Variants in CNTN6 observed in about 807,000 individuals in gnomAD.
The protein encoded by CNTN6 is contactin-6.
Under a neutral mutation model 122.8 loss-of-function variants are expected in CNTN6, and 137 were observed. The ratio of observed to expected loss-of-function variants is 1.12; its 90% CI spans 0.97 to 1.29. The LOEUF (loss-of-function observed/expected upper bound fraction) is 1.29, where lower values mean the gene tolerates loss of function less well. Ranked by LOEUF, CNTN6 falls within the 50% of genes most tolerant of loss-of-function variation. The pLI, the probability that CNTN6 is intolerant of heterozygous loss-of-function variation, is 0.00. For missense variants in CNTN6, 1,634 were observed against 1,223.4 expected (o/e 1.34, Z -5.01); for synonymous variants, 570 against 426.0 (o/e 1.34, Z -4.16).
chr3:1,213,561 C>G (rs1374254419), intron 2 of CNTN6, among the ~76,000 whole-genome samples: 3 of 151,654 alleles, frequency 2.0e-5, no homozygotes, highest in Non-Finnish European at 4.4e-5. Context: ...AAACCTATCT[C>G]CAATAAAACT....
At chr3:1,263,686 A>C (rs906642674) in intron 4 of CNTN6, among the ~76,000 whole-genome samples, 1 of 152,104 alleles carries the variant, frequency 6.6e-6, no homozygotes, top group Non-Finnish European at 1.5e-5. Context: ...TTAATTTATT[A>C]AACATGTTCT....
intron 1 of CNTN6, among the ~76,000 whole-genome samples, chr3:1,103,165 C>T (rs911060117): frequency 2.0e-5 from 3 of 152,022 alleles, no homozygotes; most frequent in Non-Finnish European, 2.9e-5. Context: ...GAAAAAGTTT[C>T]TGTTATTCTA....
At chr3:1,263,870 A>G (rs1416092132) in intron 4 of CNTN6, among the ~76,000 whole-genome samples, 1 of 151,794 alleles carries the variant, frequency 6.6e-6, no homozygotes, top group Non-Finnish European at 1.5e-5. Flanking sequence ...GCTACGTTAG[A>G]TTGGTTAGCC....
intron 7 of CNTN6, among the ~76,000 whole-genome samples, chr3:1,299,631 CT>C (rs935687108): frequency 7.2e-5 from 11 of 152,128 alleles, no homozygotes; most frequent in African/African-American, 2.7e-4. Flanking sequence ...GAGAAGTAAC[CT>C]GTTCAATCTT....
intron 1 of CNTN6, among the ~76,000 whole-genome samples, chr3:1,102,506 G>T (rs966989989): frequency 1.3e-5 from 2 of 151,944 alleles, no homozygotes; most frequent in African/African-American, 4.8e-5. Context: ...CGAGGTGGGC[G>T]GATCACCAGG....
intron 11 of CNTN6, among the ~76,000 whole-genome samples, chr3:1,342,290 C>G (rs746427117): frequency 6.6e-6 from 1 of 151,936 alleles, no homozygotes; most frequent in African/African-American, 2.4e-5. Flanking sequence ...CCACCACACC[C>G]GGCTAATTTT....
Position 1,327,499 on chromosome 3 carries a change from C to T in CNTN6, c.1126C>T (p.Leu376=). ...AAATGGGACACTCATCATAACGATG[C>T]TGAATGTGTCAGATTCTGGTGTGTA... ...IENGTLIITM[L]NVSDSGVYQC... The change falls in exon 10 of 23, where the codon CTG becomes TTG. Residue 376 remains leucine, a synonymous_variant. Transcript: ENST00000446702. 1.2e-6 allele frequency: 2 copies of T among 1,610,560 alleles called. No homozygotes were observed. Among genetic ancestry groups the T allele is most frequent in the Non-Finnish European group, 1.7e-6 (2 of 1,177,792 alleles).
chr3:1,314,178 A>G (rs1229502017), intron 7 of CNTN6, among the ~76,000 whole-genome samples: 1 of 152,098 alleles, frequency 6.6e-6, no homozygotes, highest in Non-Finnish European at 1.5e-5. Context: ...GAATTTATCC[A>G]TATTGTATTG....
At position 1,245,221 on chromosome 3, in the gene CNTN6, T is replaced by C. The variant is rs1398484584; in HGVS notation, c.358+17228T>C. The stretch of plus-strand genomic sequence containing the variant: ...TGATATATATATATATATATATATA[T>C]ATATATATATATATACACACACACA... On this transcript the variant is annotated intron_variant, in intron 4 of 22. Coordinates refer to ENST00000446702, the MANE Select transcript of CNTN6 (RefSeq NM_001289080.2). Among the ~76,000 whole-genome samples, 31 of 18,744 alleles carry C rather than the reference T, an allele frequency of 1.7e-3. 1 individual carries two copies. Among genetic ancestry groups the C allele is most frequent in the South Asian group, 8.2e-3 (4 of 486 alleles). The allele number at this position is 18,744 out of a possible 152,430, so 12.3% of individuals were successfully genotyped here. A position where few individuals can be genotyped will look rare whatever the true frequency, so the allele number is the denominator to read the frequency against.
intron 1 of CNTN6, among the ~76,000 whole-genome samples, chr3:1,114,601 A>T (rs1464230989): frequency 6.6e-6 from 1 of 152,206 alleles, no homozygotes; most frequent in East Asian, 1.9e-4. Context: ...GATAAATGTA[A>T]TAAATAAGAG....
intron 5 of CNTN6, among the ~76,000 whole-genome samples, chr3:1,284,886 G>A (rs1307538404): frequency 6.6e-6 from 1 of 152,048 alleles, no homozygotes; most frequent in Non-Finnish European, 1.5e-5. Context: ...ACGGCACTGA[G>A]GTCAGCATAG....
chr3:1,280,495 C>T lies in CNTN6; in HGVS notation c.454+1987C>T, dbSNP rs541859348. On this transcript the variant is annotated intron_variant, in intron 5 of 22. Coordinates refer to ENST00000446702, the MANE Select transcript of CNTN6 (RefSeq NM_001289080.2). Reference sequence around the variant, plus strand: ...TTTTTTTTTTTTTGTGATAGCATCTCGCTCTGTCTCCCAGGCTGGAGTGCA... The same window carrying T: ...TTTTTTTTTTTTTGTGATAGCATCTTGCTCTGTCTCCCAGGCTGGAGTGCA... 1.8e-4 allele frequency among the ~76,000 whole-genome samples: 5 copies of T among 28,334 alleles called. No individual in the cohort carries two copies. The South Asian group carries it at 3.7e-3, about 21-fold the overall frequency. The allele number at this position is 28,334 out of a possible 152,430, so 18.6% of individuals were successfully genotyped here. A position where few individuals can be genotyped will look rare whatever the true frequency, so the allele number is the denominator to read the frequency against.
chr3:1,120,880 C>T (rs2125059423), intron 1 of CNTN6, among the ~76,000 whole-genome samples: 1 of 151,854 alleles, frequency 6.6e-6, no homozygotes, highest in East Asian at 1.9e-4. Context: ...AAATTACTTT[C>T]TTTATTACAA....
rs552169925 is a variant in CNTN6 at position 1,094,697 on chromosome 3, T to C, written c.-83+1577T>C. 1.6e-3 allele frequency among the ~76,000 whole-genome samples: 245 copies of C among 151,796 alleles called. 1 individual carries two copies. Among genetic ancestry groups the C allele is most frequent in the South Asian group, 7.5e-3 (36 of 4,810 alleles). The stretch of plus-strand genomic sequence containing the variant: ...TATTTTCTCTGAGTTTAGAACCCCC[T>C]CTAAAAAAAATCAATTATGTTGTGA... On this transcript the variant is annotated intron_variant, in intron 1 of 22. Transcript: ENST00000446702.
chr3:1,161,734 C>G (rs1351801169), intron 2 of CNTN6, among the ~76,000 whole-genome samples: 1 of 150,932 alleles, frequency 6.6e-6, no homozygotes, highest in Admixed American at 6.6e-5. Context: ...ACCAAGACCC[C>G]ATGGTGCCCT....
At chr3:1,316,907 G>A (rs898589657) in intron 7 of CNTN6, among the ~76,000 whole-genome samples, 4 of 151,858 alleles carry the variant, frequency 2.6e-5, no homozygotes, top group African/African-American at 9.7e-5. Flanking sequence ...TTTATTTAGT[G>A]TCTTCATAAA....
intron 4 of CNTN6, among the ~76,000 whole-genome samples, chr3:1,238,363 A>G (rs1338278592): frequency 6.6e-6 from 1 of 152,216 alleles, no homozygotes; most frequent in East Asian, 1.9e-4. Context: ...ATATAATGAT[A>G]AAAGGATTAG....
intron 2 of CNTN6, among the ~76,000 whole-genome samples, chr3:1,150,459 T>G (rs1370112766): frequency 6.6e-6 from 1 of 152,140 alleles, no homozygotes; most frequent in African/African-American, 2.4e-5. Flanking sequence ...TTTCTAAAAA[T>G]TAACTACAAC....
At chr3:1,269,078 A>G (rs1163281899) in intron 4 of CNTN6, among the ~76,000 whole-genome samples, 1 of 152,148 alleles carries the variant, frequency 6.6e-6, no homozygotes, top group Non-Finnish European at 1.5e-5. Context: ...AAAGTCCCTC[A>G]CATCATATAT....
Sources: gnomAD v4.1 joint callset for allele counts (sites outside exome capture counted in the v4.1 genomes callset) on GRCh38, gnomAD v4.1.1 for gene constraint, MANE v1.5 for transcripts, NCBI Gene and HGNC (gene_info 2026-07-23, HGNC 2026-07-21) for gene names.